WDR70: variants seen among roughly 807,000 people sequenced by gnomAD.
WDR70 encodes WD repeat-containing protein 70.
Under a neutral mutation model 88.6 loss-of-function variants are expected in WDR70, and 53 were observed. That is an observed-to-expected ratio of 0.60 (90% CI 0.48 to 0.75). The LOEUF (loss-of-function observed/expected upper bound fraction) is 0.75. Ranked by LOEUF, WDR70 falls within the 30% of genes least tolerant of loss-of-function variation. The pLI is 0.00. For missense variants in WDR70, 610 were observed against 823.2 expected (o/e 0.74, Z 3.17); for synonymous variants, 280 against 270.0 (o/e 1.04, Z -0.36).
chr5:37,627,582 A>G (rs958982179), intron 10 of WDR70, among the ~76,000 whole-genome samples: 1 of 152,032 alleles, frequency 6.6e-6, no homozygotes, highest in Non-Finnish European at 1.5e-5. Context: ...CTTGCCTCTT[A>G]ATACTGCTTT....
intron 9 of WDR70, among the ~76,000 whole-genome samples, chr5:37,571,352 A>C (rs1012716554): frequency 8.5e-5 from 13 of 152,292 alleles, no homozygotes; most frequent in Admixed American, 7.8e-4. Context: ...CCAAGAATAG[A>C]CTAGTCTTGT....
At chr5:37,679,068 G>C (rs1329547577) in intron 10 of WDR70, among the ~76,000 whole-genome samples, 1 of 152,252 alleles carries the variant, frequency 6.6e-6, no homozygotes, top group South Asian at 2.1e-4. Flanking sequence ...CTCGAGCCTT[G>C]GCTTTCAGCT....
intron 17 of WDR70, among the ~76,000 whole-genome samples, chr5:37,729,526 CT>C (rs1748082283): frequency 6.6e-6 from 1 of 152,180 alleles, no homozygotes; most frequent in Admixed American, 6.6e-5. Flanking sequence ...AGAAACCCAG[CT>C]CTTATTTGTT....
At chr5:37,612,419 C>A (rs1289703474) in intron 10 of WDR70, among the ~76,000 whole-genome samples, 1 of 152,100 alleles carries the variant, frequency 6.6e-6, no homozygotes, top group African/African-American at 2.4e-5. Flanking sequence ...CTTTCCTAAG[C>A]TCTGTTCTTC....
intron 8 of WDR70, chr5:37,505,543 C>T (rs764919686): frequency 1.6e-4 from 100 of 627,132 alleles, no homozygotes; most frequent in Middle Eastern, 1.3e-3. Flanking sequence ...CCTTATGCAC[C>T]GCTGAGAGCA....
At chr5:37,490,152 C>T (rs947585392) in intron 8 of WDR70, among the ~76,000 whole-genome samples, 2 of 152,110 alleles carry the variant, frequency 1.3e-5, no homozygotes, top group African/African-American at 4.8e-5. Flanking sequence ...GGCCCCTGGG[C>T]AGTGTGATAG....
intron 7 of WDR70, among the ~76,000 whole-genome samples, chr5:37,479,063 G>A (rs553929424): frequency 1.3e-5 from 2 of 152,168 alleles, no homozygotes; most frequent in South Asian, 4.1e-4. Context: ...GAGGAGACTG[G>A]GAGAGATGAG....
intron 8 of WDR70, 43 bp downstream of exon 8, chr5:37,480,030 C>A (rs768838910): frequency 6.4e-7 from 1 of 1,567,242 alleles, no homozygotes; most frequent in East Asian, 2.3e-5. Flanking sequence ...ATTCAGCACA[C>A]ATTTATTAAC....
intron 13 of WDR70, among the ~76,000 whole-genome samples, chr5:37,717,066 A>T (rs10071967): frequency 0.085 from 12,948 of 151,886 alleles, 1,756 homozygotes; most frequent in African/African-American, 0.29. Context: ...CTTGTCTCTT[A>T]TTTTTGGGCA....
At chr5:37,455,977 A>T (rs1376892330) in intron 7 of WDR70, among the ~76,000 whole-genome samples, 2 of 152,090 alleles carry the variant, frequency 1.3e-5, no homozygotes, top group African/African-American at 4.8e-5. Flanking sequence ...ACTATATTAC[A>T]TACAGTTTAT....
At position 37,721,159 on chromosome 5, in the gene WDR70, G is replaced by A. The variant is rs1289414446; in HGVS notation, c.1461G>A (p.Met487Ile). 1.2e-6 allele frequency: 2 copies of A among 1,613,764 alleles called. No individual in the cohort carries two copies. The highest frequency in any genetic ancestry group is 1.1e-5 in the South Asian group (1 of 91,080). The change falls in exon 14 of 18, where the codon ATG becomes ATA. Residue 487 changes from methionine (M) to isoleucine (I), a missense_variant. Met to Ile is a conservative substitution (Grantham distance 10). Coordinates refer to ENST00000265107, the MANE Select transcript of WDR70 (RefSeq NM_018034.4). The stretch of plus-strand genomic sequence containing the variant: ...GGCATCCAAAGCTGAACCAGATCAT[G>A]GTTGGAACTGGAAATGGATTGGCTA... ...CLWHPKLNQI[M>I]VGTGNGLAKV...
At chr5:37,472,168 T>G (rs1169772764) in intron 7 of WDR70, among the ~76,000 whole-genome samples, 1 of 151,964 alleles carries the variant, frequency 6.6e-6, no homozygotes, top group Non-Finnish European at 1.5e-5. Context: ...TATGCAAGAT[T>G]TTGCCATTCT....
At chr5:37,411,403 C>G (rs1206310105) in intron 5 of WDR70, among the ~76,000 whole-genome samples, 1 of 152,122 alleles carries the variant, frequency 6.6e-6, no homozygotes, top group African/African-American at 2.4e-5. Context: ...TCCTTGTGCC[C>G]CTCCTAGTTA....
intron 10 of WDR70, among the ~76,000 whole-genome samples, chr5:37,693,113 T>C (rs1451531948): frequency 2.0e-5 from 3 of 152,132 alleles, no homozygotes; most frequent in East Asian, 1.9e-4. Flanking sequence ...CCATTCACAA[T>C]TGCTACAAAG....
At chr5:37,678,936 T>G (rs1415051241) in intron 10 of WDR70, among the ~76,000 whole-genome samples, 5 of 152,238 alleles carry the variant, frequency 3.3e-5, no homozygotes, top group Non-Finnish European at 1.5e-5. Context: ...CGTTTCTTTT[T>G]ATTCTTTTTT....
chr5:37,598,383 T>A lies in WDR70; in HGVS notation c.918-6681T>A, dbSNP rs536457235. 2.5e-4 allele frequency among the ~76,000 whole-genome samples: 38 copies of A among 152,216 alleles called. No homozygotes were observed. In the South Asian group the frequency reaches 7.9e-3, roughly 32 times the overall value. ...GGGATCATAATACCAACAATAAGGGTTTGTGAGGATTAAATGAGATTAGGG... is the reference window on the plus strand; with the variant it reads ...GGGATCATAATACCAACAATAAGGGATTGTGAGGATTAAATGAGATTAGGG... On this transcript the variant is annotated intron_variant, in intron 9 of 17. Coordinates refer to ENST00000265107, the MANE Select transcript of WDR70 (RefSeq NM_018034.4).
chr5:37,652,310 G>A (rs1403625113), intron 10 of WDR70, among the ~76,000 whole-genome samples: 3 of 152,164 alleles, frequency 2.0e-5, no homozygotes, highest in African/African-American at 4.8e-5. Flanking sequence ...ATCTGTTTTG[G>A]TACCAGCACC....
intron 7 of WDR70, among the ~76,000 whole-genome samples, chr5:37,466,705 CAAAAAAAAAAAAAAAA>C (rs796359494): frequency 2.7e-4 from 18 of 65,530 alleles, no homozygotes; most frequent in Admixed American, 9.5e-4. Flanking sequence ...GACTCCATCT[CAAAAAAAAAAAAAAAA>C]AAAAAAAAAA....
intron 10 of WDR70, among the ~76,000 whole-genome samples, chr5:37,684,166 C>T (rs961614195): frequency 2.0e-5 from 3 of 152,036 alleles, no homozygotes; most frequent in African/African-American, 7.2e-5. Context: ...TTATGAAATT[C>T]TTGTAGTATT....
Sources: gnomAD v4.1 joint callset for allele counts (sites outside exome capture counted in the v4.1 genomes callset) on GRCh38, gnomAD v4.1.1 for gene constraint, MANE v1.5 for transcripts, NCBI Gene and HGNC (gene_info 2026-07-23, HGNC 2026-07-21) for gene names.